EIPR1: variants seen among roughly 807,000 people sequenced by gnomAD.
EIPR1 encodes the protein EARP complex and GARP complex interacting protein 1, also known as EARP and GARP complex-interacting protein 1.
Under a neutral mutation model 48.1 loss-of-function variants are expected in EIPR1, and 25 were observed. That is an observed-to-expected ratio of 0.52 (90% CI 0.38 to 0.73). The LOEUF (loss-of-function observed/expected upper bound fraction) is 0.73. Among genes scored for constraint, EIPR1 ranks in the 30% least tolerant of loss-of-function variants. The probability of loss-of-function intolerance (pLI) is 0.00; values close to 1 mark genes in which losing one functional copy is unlikely to be tolerated. For synonymous variants in EIPR1, 204 were observed against 201.9 expected (o/e 1.01, Z -0.09); for missense variants, 415 against 506.2 (o/e 0.82, Z 1.73).
chr2:3,193,300 T>C (rs964953468), intron 7 of EIPR1, among the ~76,000 whole-genome samples: 1 of 152,180 alleles, frequency 6.6e-6, no homozygotes, highest in Non-Finnish European at 1.5e-5. Context: ...ATTCAAACAA[T>C]ACAGAGATGC....
chr2:3,227,937 G>A (rs1666117711), intron 4 of EIPR1, among the ~76,000 whole-genome samples: 1 of 152,270 alleles, frequency 6.6e-6, no homozygotes, highest in African/African-American at 2.4e-5. Context: ...GATTTCAGAG[G>A]ATGTATGACA....
At chr2:3,274,836 A>T (rs1667800641) in intron 3 of EIPR1, among the ~76,000 whole-genome samples, 1 of 152,216 alleles carries the variant, frequency 6.6e-6, no homozygotes, top group South Asian at 2.1e-4. Context: ...TTGTTGGAAT[A>T]GAGAAATACT....
At position 3,312,030 on chromosome 2, in the gene EIPR1, C is replaced by T. The variant is rs1489106512; in HGVS notation, c.259+25987G>A. Among the ~76,000 whole-genome samples the T allele has an allele frequency of 1.3e-5, 2 of 152,212 alleles. No homozygotes were observed. Among genetic ancestry groups the T allele is most frequent in the Non-Finnish European group, 2.9e-5 (2 of 68,038 alleles). ...CTCGTGCTGACATACAAATGACACCCTCCACCCTATAGCTTTCATTGACCC... is the reference window on the plus strand; with the variant it reads ...CTCGTGCTGACATACAAATGACACCTTCCACCCTATAGCTTTCATTGACCC... On this transcript the variant is annotated intron_variant, in intron 3 of 8. Coordinates refer to ENST00000382125, the MANE Select transcript of EIPR1 (RefSeq NM_003310.5). The surrounding 1 kb of genome is among the most constrained non-coding windows in gnomAD (Gnocchi z 5.5).
intron 5 of EIPR1, among the ~76,000 whole-genome samples, chr2:3,197,409 C>T (rs1311133775): frequency 6.6e-6 from 1 of 152,244 alleles, no homozygotes; most frequent in Non-Finnish European, 1.5e-5. Context: ...AAGGGACAAA[C>T]ACATTCACTT....
chr2:3,316,616 C>T (rs919658736), intron 3 of EIPR1, among the ~76,000 whole-genome samples: 2 of 152,222 alleles, frequency 1.3e-5, no homozygotes, highest in African/African-American at 4.8e-5. Context: ...TCCTCAAGTT[C>T]CTGCTTTTCA....
At chr2:3,206,674 T>C (rs1272244731) in intron 5 of EIPR1, among the ~76,000 whole-genome samples, 1 of 152,224 alleles carries the variant, frequency 6.6e-6, no homozygotes, top group African/African-American at 2.4e-5. Flanking sequence ...AACTGTGTCT[T>C]AAACCCCAAA....
chr2:3,192,632 C>A (rs371567619), intron 7 of EIPR1, 51 bp from the exon 8 acceptor site: 1 of 1,588,176 alleles, frequency 6.3e-7, no homozygotes, highest in South Asian at 1.1e-5. Context: ...GCAGGCAACA[C>A]CAACAATGGA....
At chr2:3,214,005 CA>C in intron 5 of EIPR1, 143 bp downstream of exon 5, 15 of 651,400 alleles carry the variant, frequency 2.3e-5, no homozygotes, top group South Asian at 3.8e-5. Flanking sequence ...CCCGCTCCCC[CA>C]ACCCCACGAC....
At chr2:3,195,553 T>C (rs373900028) in intron 6 of EIPR1, among the ~76,000 whole-genome samples, 1 of 152,182 alleles carries the variant, frequency 6.6e-6, no homozygotes, top group African/African-American at 2.4e-5. Flanking sequence ...TTCCCTAAAA[T>C]ATAATACCTA....
Position 3,196,870 on chromosome 2 carries a change from G to A in EIPR1, c.653+11C>T. On this transcript the variant is annotated intron_variant, in intron 6 of 8. Coordinates refer to ENST00000382125, the MANE Select transcript of EIPR1 (RefSeq NM_003310.5). ...AAGGAAGTGGGGCCTGCGCCGGGTG[G>A]GCTCACTGACCTCATGCTCCGGGTG... 2 of 1,612,786 alleles carry A rather than the reference G, an allele frequency of 1.2e-6. No individual in the cohort carries two copies. The highest frequency in any genetic ancestry group is 1.1e-5 in the South Asian group (1 of 90,868).
intron 6 of EIPR1, among the ~76,000 whole-genome samples, chr2:3,196,675 G>T (rs1202413845): frequency 6.6e-6 from 1 of 152,242 alleles, no homozygotes; most frequent in Non-Finnish European, 1.5e-5. Flanking sequence ...AGCCACCGAG[G>T]TGCACCGGTT....
At chr2:3,336,425 T>C (rs928524537) in intron 3 of EIPR1, among the ~76,000 whole-genome samples, 1 of 151,932 alleles carries the variant, frequency 6.6e-6, no homozygotes, top group Non-Finnish European at 1.5e-5. Flanking sequence ...CTGCCCTCCA[T>C]GTGGAAGGCA....
At chr2:3,299,219 G>C (rs547701342) in intron 3 of EIPR1, among the ~76,000 whole-genome samples, 1 of 152,168 alleles carries the variant, frequency 6.6e-6, no homozygotes, top group East Asian at 1.9e-4. Flanking sequence ...AGGGCCTCCC[G>C]CGTGAGCCTC....
chr2:3,234,098 G>A (rs1025451021), intron 4 of EIPR1, among the ~76,000 whole-genome samples: 2 of 152,290 alleles, frequency 1.3e-5, no homozygotes, highest in East Asian at 3.9e-4. Flanking sequence ...TAGGCCCAGG[G>A]CCACAGAGTG....
At chr2:3,215,742 A>G (rs1333013401) in intron 4 of EIPR1, among the ~76,000 whole-genome samples, 1 of 152,238 alleles carries the variant, frequency 6.6e-6, no homozygotes, top group Non-Finnish European at 1.5e-5. Flanking sequence ...ACCCTCAAGC[A>G]TACCTCCCTT....
At chr2:3,322,906 G>A (rs189828680) in intron 3 of EIPR1, among the ~76,000 whole-genome samples, 18 of 152,342 alleles carry the variant, frequency 1.2e-4, no homozygotes, top group East Asian at 1.9e-4. Context: ...CGCAGCTGCC[G>A]AAGCGAGTGG....
chr2:3,192,509 G>C lies in EIPR1; in HGVS notation c.894C>G (p.Ile298Met), dbSNP rs1664641603. Reference sequence around the variant, plus strand: ...ACGAGATGGACACCATGTTGGAAAGGATGACTCTGCTGTCACTGCTGCCCG... The same window carrying C: ...ACGAGATGGACACCATGTTGGAAAGCATGACTCTGCTGTCACTGCTGCCCG... The part of the protein sequence containing the change: ...VLTGSSDSRV[I>M]LSNMVSISSE... The change falls in exon 8 of 9, where the codon ATC (isoleucine) becomes ATG (methionine). Residue 298 changes from isoleucine (I) to methionine (M), a missense_variant. Transcript: ENST00000382125. 1 of 1,613,046 alleles carries C rather than the reference G, an allele frequency of 6.2e-7. No homozygotes were observed. The highest frequency in any genetic ancestry group is 1.1e-5 in the South Asian group (1 of 91,000).
chr2:3,297,253 C>G (rs1039558056), intron 3 of EIPR1, among the ~76,000 whole-genome samples: 1 of 152,102 alleles, frequency 6.6e-6, no homozygotes, highest in African/African-American at 2.4e-5. Flanking sequence ...AGGGTGGGGG[C>G]GAGGAAAGGC....
chr2:3,340,031 G>A (rs191052542), intron 2 of EIPR1, among the ~76,000 whole-genome samples: 7 of 152,290 alleles, frequency 4.6e-5, no homozygotes, highest in Admixed American at 2.0e-4. Context: ...CTCCCCTTTC[G>A]CCTTCCGCCA....
Sources: gnomAD v4.1 joint callset for allele counts (sites outside exome capture counted in the v4.1 genomes callset) on GRCh38, gnomAD v4.1.1 for gene constraint, Gnocchi (gnomAD v3.1) non-coding constraint, MANE v1.5 for transcripts, NCBI Gene and HGNC (gene_info 2026-07-23, HGNC 2026-07-21) for gene names.